GALNT17: variants seen among roughly 807,000 people sequenced by gnomAD.
The protein encoded by GALNT17 is UDP-GalNAc:polypeptide N-acetylgalactosaminyltransferase-like 3.
In GALNT17, 29 loss-of-function variants were observed where a neutral mutation model predicts 63.7. The ratio of observed to expected loss-of-function variants is 0.46; its 90% confidence interval spans 0.34 to 0.62. The LOEUF is 0.62. Among genes scored for constraint, GALNT17 ranks in the 20% least tolerant of loss-of-function variants. The pLI is 0.01. For synonymous variants in GALNT17, 305 were observed against 318.3 expected, an observed-to-expected ratio of 0.96 and a Z score of 0.45; for missense variants, 603 against 799.6, an observed-to-expected ratio of 0.75 and a Z score of 2.97.
chr7:71,413,895 T>G (rs118152745), intron 3 of GALNT17, among the ~76,000 whole-genome samples: 11,670 of 152,174 alleles, frequency 0.077, 553 homozygotes, highest in Middle Eastern at 0.18. Flanking sequence ...TCCCTGTACA[T>G]TGTAAGAGTG....
intron 1 of GALNT17, among the ~76,000 whole-genome samples, chr7:71,228,944 C>T (rs927516019): frequency 1.3e-5 from 2 of 152,116 alleles, no homozygotes; most frequent in Middle Eastern, 3.2e-3. Context: ...TTTGATCCTA[C>T]CTGGCCAATA....
At chr7:71,437,064 C>CA (rs1427186767) in intron 5 of GALNT17, among the ~76,000 whole-genome samples, 3 of 152,190 alleles carry the variant, frequency 2.0e-5, no homozygotes, top group Non-Finnish European at 4.4e-5. Flanking sequence ...CATTAAATGA[C>CA]AGAGGTCTTA....
At chr7:71,207,836 G>A (rs1335857912) in intron 1 of GALNT17, among the ~76,000 whole-genome samples, 1 of 152,102 alleles carries the variant, frequency 6.6e-6, no homozygotes, top group Non-Finnish European at 1.5e-5. Flanking sequence ...GGTTTTGTGG[G>A]CATTATATTT....
chr7:71,434,009 G>T (rs1786915077), intron 5 of GALNT17, among the ~76,000 whole-genome samples: 1 of 152,128 alleles, frequency 6.6e-6, no homozygotes, highest in African/African-American at 2.4e-5. Context: ...TTTTTCCTGT[G>T]CCAAATGCTT....
At chr7:71,410,348 G>C (rs976592456) in intron 3 of GALNT17, among the ~76,000 whole-genome samples, 1 of 151,798 alleles carries the variant, frequency 6.6e-6, no homozygotes, top group Admixed American at 6.6e-5. Context: ...CAGGTTCAAG[G>C]GATTCTCCCA....
intron 1 of GALNT17, among the ~76,000 whole-genome samples, chr7:71,172,305 A>G (rs1017860780): frequency 6.6e-6 from 1 of 151,978 alleles, no homozygotes; most frequent in Admixed American, 6.6e-5. Context: ...ATCTCTACAA[A>G]AAATGAACCA....
chr7:71,290,720 C>T (rs1422565052), intron 1 of GALNT17, among the ~76,000 whole-genome samples: 1 of 152,172 alleles, frequency 6.6e-6, no homozygotes, highest in Non-Finnish European at 1.5e-5. Context: ...TGAAAATCCT[C>T]CCTGAAGTTC....
At chr7:71,659,929 C>G (rs993229380) in intron 6 of GALNT17, among the ~76,000 whole-genome samples, 1 of 152,210 alleles carries the variant, frequency 6.6e-6, no homozygotes, top group Non-Finnish European at 1.5e-5. Flanking sequence ...TCTGAGCCCA[C>G]TGGCCACATC....
At chr7:71,326,086 C>T (rs1378329105) in intron 1 of GALNT17, among the ~76,000 whole-genome samples, 1 of 151,802 alleles carries the variant, frequency 6.6e-6, no homozygotes, top group Non-Finnish European at 1.5e-5. Flanking sequence ...CGTCTGTGTT[C>T]TTCTAGGTTA....
chr7:71,245,026 G>A (rs1790068306), intron 1 of GALNT17, among the ~76,000 whole-genome samples: 1 of 151,996 alleles, frequency 6.6e-6, no homozygotes, highest in African/African-American at 2.4e-5. Flanking sequence ...TGTTTCTCAG[G>A]AAAAGCAATT....
intron 9 of GALNT17, among the ~76,000 whole-genome samples, chr7:71,678,376 C>T (rs534324066): frequency 1.3e-5 from 2 of 151,710 alleles, no homozygotes; most frequent in East Asian, 2.0e-4. Context: ...TCCACCACCT[C>T]GGCCTCCCAA....
chr7:71,467,885 T>C (rs527523184), intron 5 of GALNT17, among the ~76,000 whole-genome samples: 169 of 152,236 alleles, frequency 1.1e-3, no homozygotes, highest in African/African-American at 3.8e-3. Flanking sequence ...CCAAGGTGTA[T>C]TGGCTAGTGT....
intron 6 of GALNT17, among the ~76,000 whole-genome samples, chr7:71,577,715 T>C (rs1789562108): frequency 6.6e-6 from 1 of 152,146 alleles, no homozygotes; most frequent in Non-Finnish European, 1.5e-5. Flanking sequence ...AGGGTAAACA[T>C]AACATTCTTA....
intron 5 of GALNT17, among the ~76,000 whole-genome samples, chr7:71,528,735 A>G (rs779747355): frequency 6.6e-6 from 1 of 152,238 alleles, no homozygotes; most frequent in Non-Finnish European, 1.5e-5. Context: ...TAAAGAACTT[A>G]TCTATATAAC....
rs117612079 is a variant in GALNT17, at chr7:71,177,145, C to T, written c.238+44105C>T. Among the ~76,000 whole-genome samples the T allele has an allele frequency of 9.0e-4, 137 of 152,236 alleles. 3 individuals carry two copies. In the East Asian group the frequency reaches 0.025, roughly 28 times the overall value. Reference sequence around the variant, plus strand: ...GGGCCTGTCGGAGAGCGGGGCCAAGCTACTGTCCTCATATGTTCGAGGACA... The same window carrying T: ...GGGCCTGTCGGAGAGCGGGGCCAAGTTACTGTCCTCATATGTTCGAGGACA... On this transcript the variant is annotated intron_variant, in intron 1 of 10. Transcript: ENST00000333538.
intron 6 of GALNT17, among the ~76,000 whole-genome samples, chr7:71,653,811 G>T (rs939452988): frequency 6.6e-6 from 1 of 152,070 alleles, no homozygotes; most frequent in African/African-American, 2.4e-5. Context: ...AAAAATCTGA[G>T]GTCAGCAGAA....
At chr7:71,414,725 G>A (rs773149561) in intron 3 of GALNT17, among the ~76,000 whole-genome samples, 1 of 152,196 alleles carries the variant, frequency 6.6e-6, no homozygotes, top group Admixed American at 6.5e-5. Flanking sequence ...AGAACTCCTG[G>A]CATGGTGCCC....
intron 6 of GALNT17, among the ~76,000 whole-genome samples, chr7:71,649,612 A>C (rs1439209565): frequency 6.8e-6 from 1 of 146,158 alleles, no homozygotes; most frequent in Admixed American, 6.9e-5. Context: ...TTCAGGATTA[A>C]ACACACACAC....
intron 3 of GALNT17, among the ~76,000 whole-genome samples, chr7:71,410,245 C>T (rs895415834): frequency 1.4e-4 from 21 of 146,416 alleles, no homozygotes; most frequent in Non-Finnish European, 1.8e-4. Flanking sequence ...CACTTCTTTC[C>T]TGATTTTTTT....
Sources: gnomAD v4.1 joint callset for allele counts (sites outside exome capture counted in the v4.1 genomes callset) on GRCh38, gnomAD v4.1.1 for gene constraint, MANE v1.5 for transcripts, NCBI Gene and HGNC (gene_info 2026-07-23, HGNC 2026-07-21) for gene names.